Variants in DNAH5 observed in about 807,000 individuals in gnomAD.
DNAH5 encodes the protein axonemal beta dynein heavy chain 5.
In DNAH5, 372 loss-of-function variants were observed where a neutral mutation model predicts 518.2. The observed-to-expected ratio is 0.72, with a 90% CI of 0.66 to 0.78. DNAH5 has a LOEUF of 0.78. DNAH5 is among the 30% of genes least tolerant of loss of function. DNAH5 has a pLI of 0.00. For synonymous variants in DNAH5, 2,039 were observed against 2,025.9 expected, an observed-to-expected ratio of 1.01 and a Z score of -0.17; for missense variants, 5,523 against 5,687.0, an observed-to-expected ratio of 0.97 and a Z score of 0.93.
intron 31 of DNAH5, among the ~76,000 whole-genome samples, chr5:13,845,832 CTTT>C (rs557275110): frequency 9.0e-6 from 1 of 110,658 alleles, no homozygotes; most frequent in Non-Finnish European, 1.8e-5. Context: ...CTTTTTTGAC[CTTT>C]TTTTTTTTTT....
Position 13,984,118 on chromosome 5 carries a change from G to A in DNAH5, c.12+27530C>T, listed in dbSNP as rs544990077. On this transcript the variant is annotated intron_variant, in intron 1 of 78. Coordinates refer to the DNAH5 transcript ENST00000681290. Reference sequence around the variant, plus strand: ...AGGAGAGGGGGGCAGAGAAAGACATGACAGGAAGCATGACGGAGACATGCA... The same window carrying A: ...AGGAGAGGGGGGCAGAGAAAGACATAACAGGAAGCATGACGGAGACATGCA... 4.6e-5 allele frequency among the ~76,000 whole-genome samples: 7 copies of A among 152,278 alleles called. No homozygotes were observed. In the South Asian group the frequency reaches 1.0e-3, roughly 23 times the overall value.
chr5:13,824,301 C>G lies in DNAH5; in HGVS notation c.6477G>C (p.Leu2159=), dbSNP rs778815016. ...CTGCTCCCAAGGTCCGAAGAACTGA[C>G]AGAATGTTACGCAGGCCAAAGTCAT... is the stretch of plus-strand genomic sequence containing the variant. ...VHYDFGLRNI[L]SVLRTLGAAK... Residue 2159 remains leucine (L), a synonymous_variant, in exon 39 of 79, where the codon CTG becomes CTC. Transcript: ENST00000265104. 3 of 1,614,050 alleles carry G rather than the reference C, an allele frequency of 1.9e-6. No individual in the cohort carries two copies. Among genetic ancestry groups the G allele is most frequent in the South Asian group, 1.1e-5 (1 of 91,078 alleles).
chr5:13,911,627 A>G (rs1054224290), intron 11 of DNAH5, 134 bp from the exon 12 acceptor site: 55 of 737,552 alleles, frequency 7.5e-5, no homozygotes, highest in Non-Finnish European at 1.1e-4. Flanking sequence ...TTATTTTTTT[A>G]CTCACATTGT....
At chr5:13,791,078 TA>T (rs1756909922) in intron 50 of DNAH5, among the ~76,000 whole-genome samples, 1 of 151,880 alleles carries the variant, frequency 6.6e-6, no homozygotes. Flanking sequence ...AAATAAAAGT[TA>T]AAAATAAATC....
At chr5:13,715,254 T>C (rs1053937261) in intron 74 of DNAH5, among the ~76,000 whole-genome samples, 5 of 152,226 alleles carry the variant, frequency 3.3e-5, no homozygotes, top group Admixed American at 3.3e-4. Context: ...TTTCTATGTA[T>C]GAATCTTATC....
At chr5:13,804,184 T>A (rs1759211975) in intron 47 of DNAH5, among the ~76,000 whole-genome samples, 1 of 152,138 alleles carries the variant, frequency 6.6e-6, no homozygotes, top group Non-Finnish European at 1.5e-5. Context: ...AGTGACTGTA[T>A]AATTTTTGTC....
At chr5:13,905,182 T>A (rs552212025) in intron 12 of DNAH5, among the ~76,000 whole-genome samples, 70 of 152,318 alleles carry the variant, frequency 4.6e-4, no homozygotes, top group African/African-American at 1.6e-3. Context: ...TAGAAACCCA[T>A]GGATCAAGCA....
intron 49 of DNAH5, among the ~76,000 whole-genome samples, chr5:13,792,493 G>A (rs1190889788): frequency 2.0e-5 from 3 of 152,108 alleles, no homozygotes; most frequent in African/African-American, 7.2e-5. Flanking sequence ...TATTAAATGG[G>A]TAACAATGAT....
chr5:13,697,082 G>A (rs779515240), intron 78 of DNAH5, among the ~76,000 whole-genome samples: 2 of 152,098 alleles, frequency 1.3e-5, no homozygotes, highest in Non-Finnish European at 2.9e-5. Context: ...GAAAAAACAG[G>A]AACATGTAAC....
intron 38 of DNAH5, among the ~76,000 whole-genome samples, chr5:13,828,017 A>C (rs987571911): frequency 1.2e-4 from 18 of 152,206 alleles, no homozygotes; most frequent in African/African-American, 4.3e-4. Context: ...TCTTTCCTTT[A>C]TAAATTAACC....
At chr5:14,003,458 A>C (rs1207323552) in intron 1 of DNAH5, among the ~76,000 whole-genome samples, 1 of 152,164 alleles carries the variant, frequency 6.6e-6, no homozygotes, top group Non-Finnish European at 1.5e-5. Context: ...GCCACTTAAG[A>C]GATTACCTTT....
intron 65 of DNAH5, among the ~76,000 whole-genome samples, chr5:13,742,418 G>A (rs1748698585): frequency 6.6e-6 from 1 of 152,022 alleles, no homozygotes; most frequent in Non-Finnish European, 1.5e-5. Context: ...CAGTCACTCA[G>A]GAGATCTCCC....
At chr5:13,743,476 G>A (rs1434807935) in intron 65 of DNAH5, among the ~76,000 whole-genome samples, 6 of 151,862 alleles carry the variant, frequency 4.0e-5, no homozygotes, top group South Asian at 4.2e-4. Context: ...ATAAACAAAT[G>A]GGGTTATACC....
intron 7 of DNAH5, 125 bp from the exon 8 acceptor site, chr5:13,917,381 A>T (rs1189697980): frequency 1.3e-6 from 1 of 740,794 alleles, no homozygotes; most frequent in Non-Finnish European, 2.4e-6. Flanking sequence ...CAGAAAACTG[A>T]ATCCAGAGGG....
intron 1 of DNAH5, among the ~76,000 whole-genome samples, chr5:14,005,059 G>A (rs1240105237): frequency 6.6e-6 from 1 of 151,998 alleles, no homozygotes; most frequent in Non-Finnish European, 1.5e-5. Context: ...GGACTTGAAA[G>A]TCCCTCTGCA....
chr5:13,693,964 T>C (rs10039995), intron 78 of DNAH5, among the ~76,000 whole-genome samples: 5,092 of 152,252 alleles, frequency 0.033, 266 homozygotes, highest in African/African-American at 0.11. Context: ...TGACAATGAA[T>C]CATGCAATAC....
At chr5:13,916,924 CAATA>C (rs1561566893) in intron 8 of DNAH5, among the ~76,000 whole-genome samples, 1 of 152,038 alleles carries the variant, frequency 6.6e-6, no homozygotes, top group Non-Finnish European at 1.5e-5. Flanking sequence ...TATACATCTT[CAATA>C]GATAGGAGGT....
At chr5:14,011,605 C>G (rs1785132373) in intron 1 of DNAH5, among the ~76,000 whole-genome samples, 1 of 152,114 alleles carries the variant, frequency 6.6e-6, no homozygotes, top group Non-Finnish European at 1.5e-5. Context: ...CGCGGCGGCC[C>G]TGGCTGGGCG....
intron 5 of DNAH5, among the ~76,000 whole-genome samples, chr5:13,921,154 G>A (rs918318837): frequency 6.6e-6 from 1 of 152,032 alleles, no homozygotes; most frequent in African/African-American, 2.4e-5. Flanking sequence ...AATTTGGTCT[G>A]CCCTCCATCA....
Sources: gnomAD v4.1 joint callset for allele counts (sites outside exome capture counted in the v4.1 genomes callset) on GRCh38, gnomAD v4.1.1 for gene constraint, MANE v1.5 for transcripts, NCBI Gene and HGNC (gene_info 2026-07-23, HGNC 2026-07-21) for gene names.